Variants in DNAH7 observed in about 807,000 individuals in gnomAD.
DNAH7 encodes axonemal beta dynein heavy chain 7.
In DNAH7, 397 loss-of-function variants were observed where a neutral mutation model predicts 444.6. The observed-to-expected ratio is 0.89, with a 90% CI of 0.82 to 0.97. DNAH7 has a LOEUF of 0.97. Among genes scored for constraint, DNAH7 ranks in the 50% least tolerant of loss-of-function variants. The pLI, the probability that DNAH7 is intolerant of heterozygous loss-of-function variation, is 0.00. For synonymous variants in DNAH7, 1,636 were observed against 1,624.4 expected, an observed-to-expected ratio of 1.01 and a Z score of -0.17; for missense variants, 4,902 against 4,800.8, an observed-to-expected ratio of 1.02 and a Z score of -0.62.
At position 195,915,509 on chromosome 2, in the gene DNAH7, T is replaced by C. The variant is rs189371027; in HGVS notation, c.3936-5314A>G. On this transcript the variant is annotated intron_variant, in intron 24 of 64. Coordinates refer to ENST00000312428, the MANE Select transcript of DNAH7 (RefSeq NM_018897.3). ...AAAATTGGGAAGATATTAAAGTAGC[T>C]AATAGGATGGTGCTATTAGAGCCAA... Among the ~76,000 whole-genome samples, 139 of 152,322 alleles carry C rather than the reference T, an allele frequency of 9.1e-4. 2 individuals are homozygous for C. The highest frequency in any genetic ancestry group is 4.9e-4 in the Non-Finnish European group (33 of 68,022).
chr2:195,877,814 T>C (rs1362498711), intron 36 of DNAH7, among the ~76,000 whole-genome samples: 2 of 152,198 alleles, frequency 1.3e-5, no homozygotes, highest in Non-Finnish European at 2.9e-5. Context: ...AAATTTAAAA[T>C]TATTTTCCTT....
rs1700433072 is a variant in DNAH7 at position 195,867,801 on chromosome 2, T to G, written c.6634-2780A>C. Among the ~76,000 whole-genome samples, 3 of 152,208 alleles carry G rather than the reference T, an allele frequency of 2.0e-5. No individual in the cohort carries two copies. In the South Asian group the frequency reaches 6.2e-4, roughly 31 times the overall value. On this transcript the variant is annotated intron_variant, in intron 40 of 64. Transcript: ENST00000312428. ...CTGAATACAATTCCACAGTATGTAT[T>G]TACAATATTTTGTTTGTCCACTCAT...
intron 29 of DNAH7, among the ~76,000 whole-genome samples, chr2:195,895,885 A>G (rs1445687623): frequency 6.6e-6 from 1 of 152,182 alleles, no homozygotes; most frequent in Admixed American, 6.5e-5. Flanking sequence ...AGCAGGTATC[A>G]ATAGTTTATT....
At chr2:195,778,677 C>CACACACATATATATACACATATATATAT (rs1443387230) in intron 58 of DNAH7, among the ~76,000 whole-genome samples, 15 of 76,916 alleles carry the variant, frequency 2.0e-4, no homozygotes, top group African/African-American at 1.0e-3. Flanking sequence ...TATACACACA[C>CACACACATATATATACACATATATATAT]ACACATATAT....
intron 33 of DNAH7, 135 bp from the exon 34 acceptor site, chr2:195,886,407 G>T: frequency 1.4e-6 from 1 of 729,004 alleles, no homozygotes; most frequent in Non-Finnish European, 2.2e-6. Flanking sequence ...CTACGAGTAG[G>T]TACTATTATT....
intron 54 of DNAH7, among the ~76,000 whole-genome samples, chr2:195,800,159 T>C (rs986445054): frequency 1.3e-5 from 2 of 152,160 alleles, no homozygotes; most frequent in Admixed American, 1.3e-4. Flanking sequence ...AAGCCATTTA[T>C]AAGGGATCTA....
At chr2:195,887,880 T>C (rs1701796440) in intron 33 of DNAH7, among the ~76,000 whole-genome samples, 1 of 141,328 alleles carries the variant, frequency 7.1e-6, no homozygotes, top group African/African-American at 2.6e-5. Flanking sequence ...TGAATTTGCC[T>C]ACTTTGGGAC....
At chr2:195,863,850 A>G (rs181593489) in intron 41 of DNAH7, among the ~76,000 whole-genome samples, 21 of 151,952 alleles carry the variant, frequency 1.4e-4, no homozygotes, top group Admixed American at 3.3e-4. Flanking sequence ...CAGTTCCTTC[A>G]TTATGCTTTC....
intron 47 of DNAH7, among the ~76,000 whole-genome samples, chr2:195,839,037 T>A (rs1247199783): frequency 6.6e-6 from 1 of 151,802 alleles, no homozygotes; most frequent in Non-Finnish European, 1.5e-5. Context: ...CCTAACCAAC[T>A]TTCAAAATGC....
At chr2:196,015,196 A>G (rs1233124876) in intron 9 of DNAH7, among the ~76,000 whole-genome samples, 1 of 152,210 alleles carries the variant, frequency 6.6e-6, no homozygotes, top group Admixed American at 6.5e-5. Context: ...AAAATGGGAT[A>G]TCAAATTTTG....
chr2:195,824,328 T>A lies in DNAH7; in HGVS notation c.9218A>T (p.Tyr3073Phe), dbSNP rs1404366265. The A allele has an allele frequency of 5.6e-6, 9 of 1,613,980 alleles. No individual in the cohort carries two copies. Among genetic ancestry groups the A allele is most frequent in the Non-Finnish European group, 7.6e-6 (9 of 1,179,920 alleles). Reference sequence around the variant, plus strand: ...AATATAGAAGCGGAAGTCAGGTGCATATTCAATTGTGGAGTCCCCAAGCCG... The same window carrying A: ...AATATAGAAGCGGAAGTCAGGTGCAAATTCAATTGTGGAGTCCCCAAGCCG... ...CIRLGDSTIE[Y>F]APDFRFYITT... Residue 3073 changes from tyrosine to phenylalanine, a missense_variant, in exon 49 of 65, where the codon TAT becomes TTT. Transcript: ENST00000312428.
Position 195,775,850 on chromosome 2 carries a change from G to T in DNAH7, c.11198C>A (p.Thr3733Lys), listed in dbSNP as rs757118394. ...TQLLFDNILL[T>K]QSRSAGAGAK... ...GGTCCTATACAGATCACACACCTGTGTAAGAAGAATGTTATCAAATAGCAG... is the reference window on the plus strand; with the variant it reads ...GGTCCTATACAGATCACACACCTGTTTAAGAAGAATGTTATCAAATAGCAG... Residue 3733 changes from threonine (T) to lysine (K), a missense_variant, in exon 60 of 65, where the codon ACA (threonine) becomes AAA (lysine). Thr to Lys is a moderately conservative substitution (Grantham distance 78, BLOSUM62 -1). Transcript: ENST00000312428. 2 of 1,613,956 alleles carry T rather than the reference G, an allele frequency of 1.2e-6. No individual in the cohort carries two copies. The highest frequency in any genetic ancestry group is 8.5e-7 in the Non-Finnish European group (1 of 1,179,928).
chr2:195,745,187 C>G (rs1417228497), intron 63 of DNAH7, among the ~76,000 whole-genome samples: 1 of 152,102 alleles, frequency 6.6e-6, no homozygotes, highest in East Asian at 1.9e-4. Context: ...AAAGCCAAGG[C>G]TCAAGAACTA....
rs565395707 is a variant in DNAH7 at position 196,000,763 on chromosome 2, C to T, written c.1294G>A (p.Val432Ile). 56 of 1,594,656 alleles carry T rather than the reference C, an allele frequency of 3.5e-5. No individual in the cohort carries two copies. The highest frequency in any genetic ancestry group is 1.3e-4 in the African/African-American group (10 of 74,400). The change falls in exon 12 of 65, where the codon GTC becomes ATC. Residue 432 changes from valine to isoleucine, a missense_variant. Physicochemically the swap from Val to Ile is conservative, Grantham distance 29 (BLOSUM62 3). Transcript: ENST00000312428. The stretch of plus-strand genomic sequence containing the variant: ...ACAAAACTGACAGCTTTAATCATGA[C>T]GTCATAAACATTTAGAAAGATATCT... ...YIDIFLNVYD[V>I]MIKAVSFVPR...
chr2:195,815,998 A>G (rs1697200815), intron 51 of DNAH7, among the ~76,000 whole-genome samples: 1 of 152,242 alleles, frequency 6.6e-6, no homozygotes, highest in Non-Finnish European at 1.5e-5. Context: ...TCTCAAAACA[A>G]AACAAAACAA....
chr2:195,953,633 C>T (rs1430725598), intron 19 of DNAH7, among the ~76,000 whole-genome samples: 1 of 152,160 alleles, frequency 6.6e-6, no homozygotes, highest in Non-Finnish European at 1.5e-5. Flanking sequence ...GATGCCCTGC[C>T]CAGAGAGGAG....
At chr2:195,939,214 C>A (rs1246371703) in intron 19 of DNAH7, among the ~76,000 whole-genome samples, 1 of 152,022 alleles carries the variant, frequency 6.6e-6, no homozygotes, top group Non-Finnish European at 1.5e-5. Context: ...AGAAAGAGTG[C>A]AGGTGGGGAA....
In DNAH7 at chr2:195,756,261, G is replaced by C; in HGVS notation, c.11458C>G (p.Leu3820Val). 6.2e-7 allele frequency: 1 copy of C among 1,613,064 alleles called. No individual in the cohort carries two copies. Among genetic ancestry groups the C allele is most frequent in the South Asian group, 1.1e-5 (1 of 90,934 alleles). Residue 3820 changes from leucine (L) to valine (V), a missense_variant, in exon 62 of 65, where the codon CTT (leucine) becomes GTT (valine). Physicochemically the swap from Leu to Val is conservative, Grantham distance 32. Coordinates refer to ENST00000312428, the MANE Select transcript of DNAH7 (RefSeq NM_018897.3). ...AAAATGCTGCTAACCACTTCTTCAA[G>C]ATCTGTAGACATGACTGCAAGCCCC... ...IKGLAVMSTD[L>V]EEVVSSILNV...
At chr2:195,936,557 G>A in intron 20 of DNAH7, 42 bp downstream of exon 20, 1 of 1,399,842 alleles carries the variant, frequency 7.1e-7, no homozygotes, top group Non-Finnish European at 9.7e-7. Context: ...TTAAGTTTAA[G>A]CAGATAAATT....
Sources: gnomAD v4.1 joint callset for allele counts (sites outside exome capture counted in the v4.1 genomes callset) on GRCh38, gnomAD v4.1.1 for gene constraint, MANE v1.5 for transcripts, NCBI Gene and HGNC (gene_info 2026-07-23, HGNC 2026-07-21) for gene names.